Variants in OR4E2 observed in about 807,000 individuals in gnomAD.
OR4E2 encodes the protein olfactory receptor 4E2.
Under a neutral mutation model 11.0 loss-of-function variants are expected in OR4E2, and 9 were observed. The ratio of observed to expected loss-of-function variants is 0.82; its 90% CI spans 0.49 to 1.43. OR4E2 has a LOEUF of 1.43. Among genes scored for constraint, OR4E2 ranks in the 40% most tolerant of loss-of-function variants. The pLI is 0.00. For missense variants in OR4E2, 441 were observed against 382.0 expected (o/e 1.15, Z -1.29); for synonymous variants, 159 against 147.3 (o/e 1.08, Z -0.57).
At chr14:21,659,885 G>T (rs78857202) in intron 2 of OR4E2, among the ~76,000 whole-genome samples, 30,083 of 151,824 alleles carry the variant, frequency 0.2, 3,265 homozygotes, top group African/African-American at 0.25. Context: ...ATATTAGAAG[G>T]TGATCAGTGC....
intron 2 of OR4E2, among the ~76,000 whole-genome samples, chr14:21,659,441 C>T (rs1880191430): frequency 6.6e-6 from 1 of 152,172 alleles, no homozygotes; most frequent in South Asian, 2.1e-4. Context: ...TATTTCCCTT[C>T]CTTCAGGGAG....
At chr14:21,664,979 T>C (rs1057397530) in intron 3 of OR4E2, 96 bp from the exon 4 acceptor site, 33 of 686,514 alleles carry the variant, frequency 4.8e-5, no homozygotes, top group Admixed American at 1.4e-4. Flanking sequence ...GCTCTGATGA[T>C]AAATAAGCAA....
rs530560244 is a variant in OR4E2 at position 21,666,150 on chromosome 14, G to T, written c.*126G>T. ...ATGGCATAGAGCAGGTCAGATTTCT[G>T]CTCATTAAAGATAAGAACTTATTCT... On this transcript the variant is annotated 3_prime_UTR_variant, in exon 4 of 4. Coordinates refer to ENST00000641524, the MANE Select transcript of OR4E2 (RefSeq NM_001001912.3). 2 of 636,804 alleles carry T rather than the reference G, an allele frequency of 3.1e-6. No individual in the cohort carries two copies. Among genetic ancestry groups the T allele is most frequent in the Non-Finnish European group, 5.5e-6 (2 of 365,272 alleles). The allele number at this position is 636,804 out of a possible 1,614,324, so 39.4% of individuals were successfully genotyped here.
chr14:21,656,614 G>T (rs1170661222), intron 2 of OR4E2, 25 bp downstream of exon 2: 2 of 152,186 alleles, frequency 1.3e-5, no homozygotes, highest in Non-Finnish European at 2.9e-5. Flanking sequence ...TACCTGCGCT[G>T]CTTGTCATGC....
In OR4E2 at chr14:21,665,267, T is replaced by G; in HGVS notation, c.185T>G (p.Phe62Cys). The change falls in exon 4 of 4, where the codon TTC becomes TGC. Residue 62 changes from phenylalanine to cysteine, a missense_variant. Transcript: ENST00000641524. ...AGTCTCCATACCCCCATGTATTTCTTCCTGAGCAATCTGTCCTTTATTGAC... is the reference window on the plus strand; with the variant it reads ...AGTCTCCATACCCCCATGTATTTCTGCCTGAGCAATCTGTCCTTTATTGAC... ...TPSLHTPMYF[F>C]LSNLSFIDIC... The G allele has an allele frequency of 6.2e-7, 1 of 1,614,140 alleles. No individual in the cohort carries two copies. Among genetic ancestry groups the G allele is most frequent in the Non-Finnish European group, 8.5e-7 (1 of 1,179,994 alleles).
At position 21,665,129 on chromosome 14, in the gene OR4E2, G is replaced by C; in HGVS notation, c.47G>C (p.Gly16Ala). Reference sequence around the variant, plus strand: ...AGAGTGACTGAATTTGTCTTCTTGGGACTCACTGATAACCGGGTGCTGGAA... The same window carrying C: ...AGAGTGACTGAATTTGTCTTCTTGGCACTCACTGATAACCGGGTGCTGGAA... ...QTRVTEFVFL[G>A]LTDNRVLEML... Residue 16 changes from glycine to alanine, a missense_variant, in exon 4 of 4, where the codon GGA becomes GCA. Gly to Ala is a moderately conservative substitution (Grantham distance 60). Coordinates refer to ENST00000641524, the MANE Select transcript of OR4E2 (RefSeq NM_001001912.3). The C allele has an allele frequency of 6.2e-7, 1 of 1,613,508 alleles. No homozygotes were observed. The highest frequency in any genetic ancestry group is 8.5e-7 in the Non-Finnish European group (1 of 1,179,774).
rs556235415 is a variant in OR4E2 at position 21,656,946 on chromosome 14, C to T, written c.-103+357C>T. On this transcript the variant is annotated intron_variant, in intron 2 of 3. Coordinates refer to ENST00000641524, the MANE Select transcript of OR4E2 (RefSeq NM_001001912.3). ...TCTTTTTCCTAGTTATCGAACACTC[C>T]GTAGGTTATGGAGTCTTGAGGTTGT... Among the ~76,000 whole-genome samples, 25 of 152,232 alleles carry T rather than the reference C, an allele frequency of 1.6e-4. No individual in the cohort carries two copies. The South Asian group carries it at 3.3e-3, about 20-fold the overall frequency.
intron 1 of OR4E2, among the ~76,000 whole-genome samples, chr14:21,654,176 G>T (rs1879798900): frequency 6.6e-6 from 1 of 151,994 alleles, no homozygotes; most frequent in Non-Finnish European, 1.5e-5. Flanking sequence ...CTTATTTAAG[G>T]TGGGTGCTGA....
intron 2 of OR4E2, among the ~76,000 whole-genome samples, chr14:21,658,808 G>T (rs1880155912): frequency 6.8e-6 from 1 of 147,586 alleles, no homozygotes; most frequent in African/African-American, 2.5e-5. Flanking sequence ...TTGACCTTCA[G>T]TTTTTTTTTT....
rs763883905 is a variant in OR4E2, at chr14:21,665,389, T to C, written c.307T>C (p.Phe103Leu). Residue 103 changes from phenylalanine (F) to leucine (L), a missense_variant, in exon 4 of 4, where the codon TTC (phenylalanine) becomes CTC (leucine). Physicochemically the swap from Phe to Leu is conservative, Grantham distance 22. Coordinates refer to ENST00000641524, the MANE Select transcript of OR4E2 (RefSeq NM_001001912.3). ...TGACAACTGCATCACACAGCTCTTC[T>C]TCCTACATCTCTTTGCCTGTGCCGA... ...SFDNCITQLF[F>L]LHLFACAEIF... 5.6e-6 allele frequency: 9 copies of C among 1,614,074 alleles called. No homozygotes were observed. The East Asian group carries it at 1.6e-4, about 28-fold the overall frequency.
intron 3 of OR4E2, among the ~76,000 whole-genome samples, chr14:21,661,074 C>T (rs530429167): frequency 6.6e-6 from 1 of 152,188 alleles, no homozygotes; most frequent in Non-Finnish European, 1.5e-5. Context: ...GCTTTTAATA[C>T]TTTGTTTTAA....
At chr14:21,660,519 G>T (rs1456251744) in intron 2 of OR4E2, 134 bp from the exon 3 acceptor site, 1 of 152,288 alleles carries the variant, frequency 6.6e-6, no homozygotes, top group Non-Finnish European at 1.5e-5. Context: ...GAGAGGAAAT[G>T]GGAAGTTGTG....
At chr14:21,661,403 T>C (rs1880317566) in intron 3 of OR4E2, among the ~76,000 whole-genome samples, 1 of 152,248 alleles carries the variant, frequency 6.6e-6, no homozygotes, top group African/African-American at 2.4e-5. Context: ...CATTCATTCC[T>C]TTGTCCCTCC....
chr14:21,659,193 ACT>A (rs1035402831), intron 2 of OR4E2, among the ~76,000 whole-genome samples: 5 of 151,756 alleles, frequency 3.3e-5, no homozygotes, highest in Non-Finnish European at 7.4e-5. Context: ...GTGCCACCAC[ACT>A]CAGCTAATTT....
chr14:21,657,431 TC>T (rs1880037495), intron 2 of OR4E2, among the ~76,000 whole-genome samples: 1 of 134,638 alleles, frequency 7.4e-6, no homozygotes, highest in Non-Finnish European at 1.6e-5. Context: ...TCTCTTTCTT[TC>T]TTCTTTCTTT....
At chr14:21,663,844 A>G (rs754047964) in intron 3 of OR4E2, among the ~76,000 whole-genome samples, 1 of 152,298 alleles carries the variant, frequency 6.6e-6, no homozygotes, top group East Asian at 1.9e-4. Flanking sequence ...ATAAATGGGA[A>G]CATGTGATGT....
At chr14:21,661,095 C>A (rs1880296955) in intron 3 of OR4E2, among the ~76,000 whole-genome samples, 1 of 152,012 alleles carries the variant, frequency 6.6e-6, no homozygotes, top group Non-Finnish European at 1.5e-5. Flanking sequence ...AACAAAGTAA[C>A]CCATGCTTAT....
At chr14:21,657,171 A>C (rs1879993490) in intron 2 of OR4E2, among the ~76,000 whole-genome samples, 1 of 152,226 alleles carries the variant, frequency 6.6e-6, no homozygotes, top group African/African-American at 2.4e-5. Context: ...CTGTGCTCTG[A>C]AAGTCAGTGT....
chr14:21,657,373 C>CCTTTCTTT (rs1385556608), intron 2 of OR4E2, among the ~76,000 whole-genome samples: 2 of 146,446 alleles, frequency 1.4e-5, no homozygotes, highest in Admixed American at 1.4e-4. Context: ...TTCCTTCCTT[C>CCTTTCTTT]CTTCCTTCCT....
Sources: gnomAD v4.1 joint callset for allele counts (sites outside exome capture counted in the v4.1 genomes callset) on GRCh38, gnomAD v4.1.1 for gene constraint, MANE v1.5 for transcripts, NCBI Gene and HGNC (gene_info 2026-07-23, HGNC 2026-07-21) for gene names.